The following VEZT variants were observed in gnomAD, a reference collection of about 807,000 sequenced individuals.
VEZT encodes vezatin.
VEZT carries 39 observed loss-of-function variants against 79.9 expected under a neutral mutation model. The ratio of observed to expected loss-of-function variants is 0.49; its 90% CI spans 0.38 to 0.64. The LOEUF is 0.64. VEZT is among the 30% of genes least tolerant of loss of function. VEZT has a pLI of 0.00. For synonymous variants in VEZT, 325 were observed against 327.6 expected, an observed-to-expected ratio of 0.99 and a Z score of 0.09; for missense variants, 837 against 893.1, an observed-to-expected ratio of 0.94 and a Z score of 0.80.
chr12:95,256,756 C>T, intron 2 of VEZT: 1 of 393,782 alleles, frequency 2.5e-6, no homozygotes, highest in South Asian at 2.3e-5. Flanking sequence ...GAACTTGTAA[C>T]CACCCTATGA....
chr12:95,270,182 T>TG lies in VEZT; in HGVS notation c.843dup (p.Lys282GlufsTer8). 2 of 1,598,752 alleles carry TG rather than the reference T, an allele frequency of 1.3e-6. No homozygotes were observed. Among genetic ancestry groups the TG allele is most frequent in the Non-Finnish European group, 1.7e-6 (2 of 1,173,714 alleles). ...GCAAGGCTAGCTACCCTATATATGC[T>TG]GAAAAAATATCCTTTTCTGTTTATA... On this transcript the variant is annotated frameshift_variant, in exon 6 of 12. Transcript: ENST00000436874. LOFTEE classifies it high-confidence loss of function.
At chr12:95,280,184 T>G (rs560379826) in intron 7 of VEZT, among the ~76,000 whole-genome samples, 3 of 152,154 alleles carry the variant, frequency 2.0e-5, no homozygotes, top group African/African-American at 4.8e-5. Context: ...ATGGGCCTGT[T>G]AACGCATAAA....
intron 1 of VEZT, among the ~76,000 whole-genome samples, chr12:95,251,169 C>T (rs2062546170): frequency 6.6e-6 from 1 of 152,082 alleles, no homozygotes; most frequent in African/African-American, 2.4e-5. Context: ...AGCCTTCATG[C>T]CTGGCTAATT....
At chr12:95,261,795 G>A (rs1566141989) in intron 3 of VEZT, among the ~76,000 whole-genome samples, 1 of 152,162 alleles carries the variant, frequency 6.6e-6, no homozygotes, top group Admixed American at 6.5e-5. Flanking sequence ...GCTACCAAAC[G>A]CTTAGGATTT....
chr12:95,239,637 G>A (rs986123106), intron 1 of VEZT, among the ~76,000 whole-genome samples: 4 of 152,092 alleles, frequency 2.6e-5, no homozygotes, highest in African/African-American at 9.7e-5. Flanking sequence ...TGAAGAGCTC[G>A]GAGGGTTCAG....
chr12:95,268,457 T>C (rs1017957082), intron 5 of VEZT, among the ~76,000 whole-genome samples: 2 of 152,082 alleles, frequency 1.3e-5, no homozygotes, highest in Admixed American at 1.3e-4. Context: ...GAGATCGCGC[T>C]ACTGCACTCC....
chr12:95,289,557 G>T (rs1448185061), intron 9 of VEZT, among the ~76,000 whole-genome samples: 1 of 151,970 alleles, frequency 6.6e-6, no homozygotes, highest in African/African-American at 2.4e-5. Flanking sequence ...ACCTCATTGG[G>T]TAGGTAATTA....
intron 6 of VEZT, 42 bp from the exon 7 acceptor site, chr12:95,274,700 T>C (rs1175454291): frequency 6.3e-7 from 1 of 1,575,136 alleles, no homozygotes; most frequent in Non-Finnish European, 8.6e-7. Flanking sequence ...TCTTTTATGC[T>C]TTCATGAAAA....
chr12:95,278,581 A>T (rs1225031375), intron 7 of VEZT, among the ~76,000 whole-genome samples: 1 of 152,230 alleles, frequency 6.6e-6, no homozygotes, highest in East Asian at 1.9e-4. Context: ...AGATTTTGTA[A>T]GTTAAATTTT....
At chr12:95,282,706 T>C (rs1376868354) in intron 8 of VEZT, 62 bp downstream of exon 8, 10 of 1,409,570 alleles carry the variant, frequency 7.1e-6, no homozygotes, top group African/African-American at 2.9e-5. Context: ...TCGTGTACCA[T>C]TGTGGTTGTT....
At chr12:95,297,398 CT>C (rs371452779) in intron 11 of VEZT, among the ~76,000 whole-genome samples, 20 of 148,718 alleles carry the variant, frequency 1.3e-4, no homozygotes, top group South Asian at 2.1e-4. Context: ...CTCCAGTTCT[CT>C]TTTTTTTTTT....
intron 1 of VEZT, among the ~76,000 whole-genome samples, chr12:95,249,217 A>G (rs2137700603): frequency 6.6e-6 from 1 of 152,310 alleles, no homozygotes; most frequent in Non-Finnish European, 1.5e-5. Flanking sequence ...GAGTTAGAGT[A>G]ACTTCCCTTT....
intron 1 of VEZT, among the ~76,000 whole-genome samples, chr12:95,236,011 C>T (rs2060109658): frequency 6.6e-6 from 1 of 151,974 alleles, no homozygotes; most frequent in African/African-American, 2.4e-5. Flanking sequence ...CCTCACTTCC[C>T]AGACGGGGTG....
chr12:95,285,301 A>T lies in VEZT; in HGVS notation c.1329-2363A>T, dbSNP rs1594049896. Among the ~76,000 whole-genome samples the T allele has an allele frequency of 2.5e-5, 3 of 120,846 alleles. No individual in the cohort carries two copies. In the South Asian group the frequency reaches 8.4e-4, roughly 34 times the overall value. 79.3% of individuals were successfully genotyped at this position (120,846 alleles called of 152,430 possible). ...CTACAAAAAAATACAAAAATTAGCC[A>T]GTCATGGTGGTACACGCCTGTAGTC... On this transcript the variant is annotated intron_variant, in intron 8 of 11. Coordinates refer to ENST00000436874, the MANE Select transcript of VEZT (RefSeq NM_017599.4).
At chr12:95,232,408 G>T (rs539554988) in intron 1 of VEZT, among the ~76,000 whole-genome samples, 1 of 152,160 alleles carries the variant, frequency 6.6e-6, no homozygotes, top group Admixed American at 6.5e-5. Context: ...GAAAAGTTAC[G>T]TATAACTTGG....
intron 1 of VEZT, among the ~76,000 whole-genome samples, chr12:95,227,903 C>G (rs760680774): frequency 3.9e-5 from 6 of 152,162 alleles, no homozygotes; most frequent in Admixed American, 3.3e-4. Flanking sequence ...TTAAACCATT[C>G]CTTTGTAACT....
intron 7 of VEZT, among the ~76,000 whole-genome samples, chr12:95,275,162 A>C (rs974893687): frequency 2.6e-5 from 4 of 152,244 alleles, no homozygotes; most frequent in Non-Finnish European, 4.4e-5. Context: ...AATTTACTTT[A>C]ATTGGAGGCC....
intron 5 of VEZT, among the ~76,000 whole-genome samples, chr12:95,268,493 G>C (rs565000681): frequency 6.6e-6 from 1 of 152,038 alleles, no homozygotes; most frequent in South Asian, 2.1e-4. Context: ...GCGAGACTCC[G>C]TTTCAAAAAC....
chr12:95,265,261 T>C (rs1368082627), intron 4 of VEZT, among the ~76,000 whole-genome samples: 1 of 152,076 alleles, frequency 6.6e-6, no homozygotes. Context: ...TTAAAATGTG[T>C]ACATATTTTT....
Sources: gnomAD v4.1 joint callset for allele counts (sites outside exome capture counted in the v4.1 genomes callset) on GRCh38, gnomAD v4.1.1 for gene constraint, MANE v1.5 for transcripts, NCBI Gene and HGNC (gene_info 2026-07-23, HGNC 2026-07-21) for gene names.